MAPK10: variants seen among roughly 807,000 people sequenced by gnomAD.
The protein encoded by MAPK10 is JNK3 alpha protein kinase.
MAPK10 carries 25 observed loss-of-function variants against 59.3 expected under a neutral mutation model. That is an observed-to-expected ratio of 0.42 (90% CI 0.31 to 0.59). MAPK10 has a LOEUF of 0.59. MAPK10 is among the 20% of genes least tolerant of loss of function. The pLI is 0.15. For synonymous variants in MAPK10, 190 were observed against 200.5 expected (o/e 0.95, Z 0.44); for missense variants, 351 against 568.9 (o/e 0.62, Z 3.90).
chr4:86,423,793 A>ATATATATATATG, intron 1 of MAPK10, among the ~76,000 whole-genome samples: 1 of 146,326 alleles, frequency 6.8e-6, no homozygotes, highest in Admixed American at 6.8e-5. Flanking sequence ...ATATATATAT[A>ATATATATATATG]TATGTTTAGG....
At chr4:86,275,166 T>C (rs557788424) in intron 2 of MAPK10, among the ~76,000 whole-genome samples, 1 of 152,186 alleles carries the variant, frequency 6.6e-6, no homozygotes, top group East Asian at 1.9e-4. Context: ...CTGATCATGA[T>C]GGGCTCTTAA....
At position 86,012,105 on chromosome 4, in the gene MAPK10, C is replaced by T. The variant is rs1347784596; in HGVS notation, c.*5123G>A. ...CTGCTCTACTTACCTAATGCCCCCCCAAAAGATGATCTTTTTTTTCTTCAT... is the reference window on the plus strand; with the variant it reads ...CTGCTCTACTTACCTAATGCCCCCCTAAAAGATGATCTTTTTTTTCTTCAT... On this transcript the variant is annotated 3_prime_UTR_variant, in exon 14 of 14. Coordinates refer to ENST00000641462, the MANE Select transcript of MAPK10 (RefSeq NM_138982.4). 1 of 151,762 alleles carries T rather than the reference C, an allele frequency of 6.6e-6. No individual in the cohort carries two copies. The highest frequency in any genetic ancestry group is 6.6e-5 in the Admixed American group (1 of 15,248). 9.4% of individuals were successfully genotyped at this position (151,762 alleles called of 1,614,324 possible). A position where few individuals can be genotyped will look rare whatever the true frequency, so the allele number is the denominator to read the frequency against.
chr4:86,560,517 T>A (rs1334735655), intron 1 of MAPK10, among the ~76,000 whole-genome samples: 1 of 152,236 alleles, frequency 6.6e-6, no homozygotes, highest in Non-Finnish European at 1.5e-5. Context: ...CTCCCAAATA[T>A]TTATTTTAGG....
At chr4:86,035,370 CAAAAAA>C (rs70948779) in intron 11 of MAPK10, among the ~76,000 whole-genome samples, 9 of 37,870 alleles carry the variant, frequency 2.4e-4, no homozygotes, top group African/African-American at 8.6e-4. Flanking sequence ...GACTCTGTCT[CAAAAAA>C]AAAAAAAAAA....
At chr4:86,187,974 T>C (rs895651413) in intron 3 of MAPK10, among the ~76,000 whole-genome samples, 1 of 152,098 alleles carries the variant, frequency 6.6e-6, no homozygotes, top group Non-Finnish European at 1.5e-5. Context: ...ATTGTTCAGC[T>C]CCCACATGTG....
At chr4:86,500,329 A>G (rs1378974863) in intron 1 of MAPK10, among the ~76,000 whole-genome samples, 1 of 152,100 alleles carries the variant, frequency 6.6e-6, no homozygotes, top group Non-Finnish European at 1.5e-5. Flanking sequence ...ATATGATTCT[A>G]TTTTCAGTTA....
chr4:86,166,285 C>A (rs1477262738), intron 3 of MAPK10, among the ~76,000 whole-genome samples: 1 of 152,126 alleles, frequency 6.6e-6, no homozygotes, highest in East Asian at 1.9e-4. Flanking sequence ...GACTGTGAGC[C>A]CTTGGGCAAG....
At chr4:86,201,799 G>A (rs926720315) in intron 2 of MAPK10, among the ~76,000 whole-genome samples, 1 of 151,602 alleles carries the variant, frequency 6.6e-6, no homozygotes, top group African/African-American at 2.4e-5. Flanking sequence ...TCTTTGTGAA[G>A]CTTTAAATCG....
chr4:86,059,673 C>A (rs111940015), intron 11 of MAPK10, among the ~76,000 whole-genome samples: 4,185 of 152,126 alleles, frequency 0.028, 186 homozygotes, highest in African/African-American at 0.096. Flanking sequence ...CAGCACTGGC[C>A]CTGTTTACCA....
intron 2 of MAPK10, among the ~76,000 whole-genome samples, chr4:86,240,224 G>T (rs1472008516): frequency 1.3e-5 from 2 of 152,124 alleles, no homozygotes; most frequent in Non-Finnish European, 2.9e-5. Flanking sequence ...TGTTTGTTAT[G>T]ATTTCAGTTC....
intron 1 of MAPK10, among the ~76,000 whole-genome samples, chr4:86,452,629 A>G (rs182781786): frequency 6.6e-6 from 1 of 152,270 alleles, no homozygotes; most frequent in Non-Finnish European, 1.5e-5. Flanking sequence ...TCAACACACC[A>G]TAGCAAGGGA....
chr4:86,378,430 G>GTACCC (rs1740150173), intron 1 of MAPK10, among the ~76,000 whole-genome samples: 2 of 152,116 alleles, frequency 1.3e-5, no homozygotes, highest in Admixed American at 1.3e-4. Context: ...GTCTAAAATA[G>GTACCC]TACCCCACAT....
At chr4:86,477,806 C>T (rs1298269421) in intron 1 of MAPK10, among the ~76,000 whole-genome samples, 2 of 152,192 alleles carry the variant, frequency 1.3e-5, no homozygotes, top group Non-Finnish European at 2.9e-5. Context: ...ATACCTCCCT[C>T]CACAACCCAT....
At chr4:86,369,322 C>G (rs891488037) in intron 1 of MAPK10, among the ~76,000 whole-genome samples, 1 of 152,098 alleles carries the variant, frequency 6.6e-6, no homozygotes, top group Non-Finnish European at 1.5e-5. Context: ...TCACTACTTG[C>G]TAAAAATTTC....
chr4:86,037,415 G>A (rs1440629156), intron 11 of MAPK10, among the ~76,000 whole-genome samples: 2 of 152,034 alleles, frequency 1.3e-5, no homozygotes, highest in Non-Finnish European at 2.9e-5. Flanking sequence ...AGCTACTCGG[G>A]AGGCTGAGGC....
chr4:86,063,165 A>G (rs1457323042), intron 11 of MAPK10, among the ~76,000 whole-genome samples: 1 of 152,178 alleles, frequency 6.6e-6, no homozygotes, highest in Non-Finnish European at 1.5e-5. Flanking sequence ...GTGTCTGTAA[A>G]GTTCAATTCT....
chr4:86,397,261 G>A (rs976287697), intron 1 of MAPK10, among the ~76,000 whole-genome samples: 19 of 152,092 alleles, frequency 1.2e-4, no homozygotes, highest in Non-Finnish European at 2.4e-4. Flanking sequence ...GAGAACCTGC[G>A]TCAGGTTCTC....
At position 86,147,485 on chromosome 4, in the gene MAPK10, C is replaced by A. The variant is rs867418420; in HGVS notation, c.236+11813G>T. Among the ~76,000 whole-genome samples, 20 of 152,222 alleles carry A rather than the reference C, an allele frequency of 1.3e-4. No homozygotes were observed. The Middle Eastern group carries it at 0.01, about 78-fold the overall frequency. On this transcript the variant is annotated intron_variant, in intron 4 of 13. Transcript: ENST00000641462. ...GTGCCAGGCACTAATAAATATACCT[C>A]CAATACTGAGTTTAGCTATATCAAT...
chr4:86,131,771 T>C (rs1240770965), intron 4 of MAPK10, among the ~76,000 whole-genome samples: 1 of 152,192 alleles, frequency 6.6e-6, no homozygotes, highest in Admixed American at 6.5e-5. Context: ...TACGAGACGA[T>C]GCAAATAGCA....
Sources: gnomAD v4.1 joint callset for allele counts (sites outside exome capture counted in the v4.1 genomes callset) on GRCh38, gnomAD v4.1.1 for gene constraint, MANE v1.5 for transcripts, NCBI Gene and HGNC (gene_info 2026-07-23, HGNC 2026-07-21) for gene names.